The following CYP4F22 variants were observed in gnomAD, a reference collection of about 807,000 sequenced individuals.
CYP4F22 encodes the protein ultra-long-chain fatty acid omega-hydroxylase.
In CYP4F22, 37 loss-of-function variants were observed where a neutral mutation model predicts 60.4. The observed-to-expected ratio is 0.61, with a 90% CI of 0.47 to 0.81. The LOEUF (loss-of-function observed/expected upper bound fraction) is 0.81, where lower values mean the gene tolerates loss of function less well. Ranked by LOEUF, CYP4F22 falls within the 30% of genes least tolerant of loss-of-function variation. The pLI, the probability that CYP4F22 is intolerant of heterozygous loss-of-function variation, is 0.00. For missense variants in CYP4F22, 655 were observed against 715.0 expected (o/e 0.92, Z 0.96); for synonymous variants, 258 against 280.5 (o/e 0.92, Z 0.80).
At position 15,540,548 on chromosome 19, in the gene CYP4F22, G is replaced by A. The variant is rs200005567; in HGVS notation, c.770G>A (p.Arg257His). 3.7e-5 allele frequency: 59 copies of A among 1,614,018 alleles called. No individual in the cohort carries two copies. The highest frequency in any genetic ancestry group is 5.3e-5 in the African/African-American group (4 of 74,906). ...LHHYLDFIYY[R>H]SADGRRFRQA... ...CACTACCTCGACTTCATTTACTACC[G>A]CTCGGCGGATGGGCGGAGGTTCCGG... Residue 257 changes from arginine (R) to histidine (H), a missense_variant, in exon 8 of 14, where the codon CGC becomes CAC. Arg to His is a conservative substitution (Grantham distance 29). Transcript: ENST00000269703.
At chr19:15,519,355 C>T (rs1489274954) in intron 1 of CYP4F22, among the ~76,000 whole-genome samples, 1 of 151,972 alleles carries the variant, frequency 6.6e-6, no homozygotes, top group African/African-American at 2.4e-5. Flanking sequence ...CTCTGCCTCC[C>T]ACGCTCAAGC....
chr19:15,509,879 TCC>T (rs755691470), intron 1 of CYP4F22, among the ~76,000 whole-genome samples: 1 of 128,956 alleles, frequency 7.8e-6, no homozygotes, highest in African/African-American at 2.9e-5. Context: ...CTTCCTTCCT[TCC>T]TTCCTTCCTT....
chr19:15,543,923 C>T (rs557373306), intron 8 of CYP4F22, 48 bp from the exon 9 acceptor site: 15 of 1,596,428 alleles, frequency 9.4e-6, no homozygotes, highest in South Asian at 5.5e-5. Flanking sequence ...CCCTAGGATG[C>T]GGAGGGTGGG....
chr19:15,511,196 C>T (rs1971087927), intron 1 of CYP4F22, among the ~76,000 whole-genome samples: 1 of 151,234 alleles, frequency 6.6e-6, no homozygotes, highest in Non-Finnish European at 1.5e-5. Flanking sequence ...GAACTCCCGA[C>T]CTCAGGTGAT....
At chr19:15,548,001 GA>G (rs1971550212) in intron 10 of CYP4F22, 106 bp from the exon 11 acceptor site, 2 of 474,794 alleles carry the variant, frequency 4.2e-6, no homozygotes, top group South Asian at 1.1e-4. Flanking sequence ...GAGAGGGAGA[GA>G]GTGTGTGTGT....
In CYP4F22 at chr19:15,543,811, T is replaced by G. The variant is rs993288885; in HGVS notation, c.940-160T>G. Among the ~76,000 whole-genome samples the G allele has an allele frequency of 3.4e-5, 5 of 148,170 alleles. No individual in the cohort carries two copies. The Admixed American group carries it at 3.4e-4, about 10-fold the overall frequency. On this transcript the variant is annotated intron_variant, in intron 8 of 13. Transcript: ENST00000269703. ...GTCGGAGGCTGCAGTTAGCCGAGATTGTGCCACCGCACTCCAGCCTGGGTG... is the reference window on the plus strand; with the variant it reads ...GTCGGAGGCTGCAGTTAGCCGAGATGGTGCCACCGCACTCCAGCCTGGGTG...
At chr19:15,515,925 A>T (rs974190818) in intron 1 of CYP4F22, among the ~76,000 whole-genome samples, 3 of 151,874 alleles carry the variant, frequency 2.0e-5, no homozygotes, top group Non-Finnish European at 4.4e-5. Flanking sequence ...GGGTTTCACC[A>T]TGTTAGCCAG....
chr19:15,525,373 G>A lies in CYP4F22; in HGVS notation c.37G>A (p.Gly13Arg). The A allele has an allele frequency of 6.2e-7, 1 of 1,613,988 alleles. No individual in the cohort carries two copies. The highest frequency in any genetic ancestry group is 8.5e-7 in the Non-Finnish European group (1 of 1,180,040). ...PITDRLLHLL[G>R]LEKTAFRIYA... ...CACAGACCGCCTGCTGCACCTCCTGGGGCTGGAGAAGACGGCGTTCCGCAT... is the reference window on the plus strand; with the variant it reads ...CACAGACCGCCTGCTGCACCTCCTGAGGCTGGAGAAGACGGCGTTCCGCAT... Residue 13 changes from glycine (G) to arginine (R), a missense_variant, in exon 3 of 14, where the codon GGG becomes AGG. By Grantham distance (125) the Gly-to-Arg change is moderately radical. Coordinates refer to ENST00000269703, the MANE Select transcript of CYP4F22 (RefSeq NM_173483.4).
chr19:15,544,784 G>C (rs1368810586), intron 10 of CYP4F22, among the ~76,000 whole-genome samples: 1 of 152,192 alleles, frequency 6.6e-6, no homozygotes. Context: ...GCTTGGGCCG[G>C]GTGGGGTGGC....
At chr19:15,511,291 C>CA (rs978762124) in intron 1 of CYP4F22, among the ~76,000 whole-genome samples, 2 of 150,684 alleles carry the variant, frequency 1.3e-5, no homozygotes, top group African/African-American at 4.9e-5. Context: ...TTTTTTTTAA[C>CA]AAAAAAATTA....
Position 15,548,118 on chromosome 19 carries a change from A to T in CYP4F22, c.1147A>T (p.Thr383Ser), listed in dbSNP as rs1298819140. 6.2e-7 allele frequency: 1 copy of T among 1,611,090 alleles called. No homozygotes were observed. The highest frequency in any genetic ancestry group is 8.5e-7 in the Non-Finnish European group (1 of 1,179,452). Residue 383 changes from threonine to serine, a missense_variant, in exon 11 of 14, where the codon ACT (threonine) becomes TCT (serine). Physicochemically the swap from Thr to Ser is moderately conservative, Grantham distance 58. Coordinates refer to ENST00000269703, the MANE Select transcript of CYP4F22 (RefSeq NM_173483.4). ...ELEELEWDDL[T>S]QLPFTTMCIK... ...CTCCATTCTCCCCAGGGACGATCTG[A>T]CTCAGCTGCCCTTTACAACTATGTG...
At chr19:15,534,585 A>T (rs972858462) in intron 4 of CYP4F22, among the ~76,000 whole-genome samples, 27 of 151,922 alleles carry the variant, frequency 1.8e-4, no homozygotes, top group African/African-American at 5.8e-4. Flanking sequence ...CCAAAGTGCT[A>T]GGACTGCAGG....
At chr19:15,546,963 G>A (rs7249721) in intron 10 of CYP4F22, among the ~76,000 whole-genome samples, 115,752 of 147,988 alleles carry the variant, frequency 0.78, 45,419 homozygotes, top group East Asian at 0.88. Flanking sequence ...CACTTGCTTC[G>A]GCCTCCCAAA....
chr19:15,511,672 A>T (rs1490346482), intron 1 of CYP4F22, among the ~76,000 whole-genome samples: 1 of 151,898 alleles, frequency 6.6e-6, no homozygotes, highest in Non-Finnish European at 1.5e-5. Flanking sequence ...GAGGGCTGGG[A>T]TTTGGGGTGA....
Position 15,551,617 on chromosome 19 carries a change from C to A in CYP4F22, c.*146C>A. On this transcript the variant is annotated 3_prime_UTR_variant, in exon 14 of 14. Coordinates refer to ENST00000269703, the MANE Select transcript of CYP4F22 (RefSeq NM_173483.4). Reference sequence around the variant, plus strand: ...TGACCAGGCACCGCTGTTGAGCAGCCTGGTGGTACTGGCCACGCCCCTCAA... The same window carrying A: ...TGACCAGGCACCGCTGTTGAGCAGCATGGTGGTACTGGCCACGCCCCTCAA... 1 of 1,006,836 alleles carries A rather than the reference C, an allele frequency of 9.9e-7. No homozygotes were observed. The highest frequency in any genetic ancestry group is 1.6e-5 in the South Asian group (1 of 61,122). The allele number at this position is 1,006,836 out of a possible 1,614,324, so 62.4% of individuals were successfully genotyped here.
At chr19:15,533,591 C>CTTTTTTTTTT (rs34585637) in intron 4 of CYP4F22, among the ~76,000 whole-genome samples, 2 of 91,434 alleles carry the variant, frequency 2.2e-5, no homozygotes, top group Non-Finnish European at 4.2e-5. Flanking sequence ...CAGTTTCATT[C>CTTTTTTTTTT]TTTTTTTTTT....
intron 1 of CYP4F22, chr19:15,516,717 T>C: frequency 1.8e-6 from 1 of 564,026 alleles, no homozygotes; most frequent in Middle Eastern, 3.1e-4. Context: ...TCATTCTTGT[T>C]GTTTTTGGGG....
At chr19:15,510,945 C>CATATATAT (rs1183507990) in intron 1 of CYP4F22, among the ~76,000 whole-genome samples, 24 of 111,590 alleles carry the variant, frequency 2.2e-4, no homozygotes, top group East Asian at 1.0e-3. Flanking sequence ...ATAGGGATAC[C>CATATATAT]ATATATATAT....
Position 15,551,893 on chromosome 19 carries a change from AC to A in CYP4F22, c.*431del, listed in dbSNP as rs369156587. 641 of 114,136 alleles carry A rather than the reference AC, an allele frequency of 5.6e-3. No homozygotes were observed. Among genetic ancestry groups the A allele is most frequent in the Middle Eastern group, 0.024 (5 of 210 alleles). 7.1% of individuals were successfully genotyped at this position (114,136 alleles called of 1,614,324 possible). A position where few individuals can be genotyped will look rare whatever the true frequency, so the allele number is the denominator to read the frequency against. ...TATGACTCAGGGCCCACCACACCCC[AC>A]CCCCCCCCAACTGGCTGAACCCCTG... On this transcript the variant is annotated 3_prime_UTR_variant, in exon 14 of 14. Coordinates refer to ENST00000269703, the MANE Select transcript of CYP4F22 (RefSeq NM_173483.4).
Sources: allele counts gnomAD v4.1 joint callset (sites outside exome capture counted in the v4.1 genomes callset), GRCh38; gene constraint gnomAD v4.1.1; transcripts MANE v1.5; gene names NCBI Gene and HGNC (gene_info 2026-07-23, HGNC 2026-07-21).